The following DMD variants were observed in gnomAD, a reference collection of about 807,000 sequenced individuals.
The protein encoded by DMD is dystrophin, also known as mutant dystrophin.
Under a neutral mutation model 330.1 loss-of-function variants are expected in DMD, and 63 were observed. The observed-to-expected ratio is 0.19, with a 90% CI of 0.16 to 0.24. The LOEUF (loss-of-function observed/expected upper bound fraction) is 0.24, where lower values mean the gene tolerates loss of function less well. Ranked by LOEUF, DMD falls within the 10% of genes least tolerant of loss-of-function variation. The pLI is 1.00. For missense variants in DMD, 3,344 were observed against 2,684.1 expected, an observed-to-expected ratio of 1.25 and a Z score of -5.43; for synonymous variants, 1,223 against 959.8, an observed-to-expected ratio of 1.27 and a Z score of -5.07.
chrX:31,215,601 A>T (rs1395790266), intron 64 of DMD, among the ~76,000 whole-genome samples: 2 of 112,439 alleles, frequency 1.8e-5, no homozygotes, highest in African/African-American at 6.5e-5. Flanking sequence ...TACCCAGTCA[A>T]ATCTGAAGAA....
intron 29 of DMD, among the ~76,000 whole-genome samples, chrX:32,435,723 C>G (rs755791894): frequency 9.0e-6 from 1 of 110,948 alleles, no homozygotes; most frequent in East Asian, 2.9e-4. Flanking sequence ...AATTCTTTTT[C>G]AAACCTGTGA....
intron 2 of DMD, among the ~76,000 whole-genome samples, chrX:32,990,210 T>C (rs2147295565): frequency 9.0e-6 from 1 of 111,706 alleles, no homozygotes; most frequent in African/African-American, 3.2e-5. Context: ...GTTTTTGAGG[T>C]ACTTGTTTTC....
chrX:33,241,401 C>T (rs2052584469), intron 1 of DMD, among the ~76,000 whole-genome samples: 1 of 111,501 alleles, frequency 9.0e-6, no homozygotes, highest in Admixed American at 9.6e-5. Context: ...TGTTTTATTC[C>T]ATTGGTCTAT....
chrX:31,510,360 T>C (rs748271103), intron 55 of DMD, among the ~76,000 whole-genome samples: 1 of 111,265 alleles, frequency 9.0e-6, no homozygotes, highest in East Asian at 2.8e-4. Flanking sequence ...CAGTAGTCAC[T>C]GAACCTGAAC....
chrX:31,470,472 C>A (rs1431487439), intron 59 of DMD, among the ~76,000 whole-genome samples: 1 of 111,904 alleles, frequency 8.9e-6, no homozygotes, highest in Non-Finnish European at 1.9e-5. Flanking sequence ...GTATCACCAG[C>A]AGAAGCTGCA....
At chrX:31,284,556 G>GTTTTTTCTTCTTCTTTCTTCTTTCTTC (rs1206368762) in intron 62 of DMD, among the ~76,000 whole-genome samples, 1 of 36,525 alleles carries the variant, frequency 2.7e-5, no homozygotes, top group African/African-American at 8.5e-5. Flanking sequence ...ATAACGAACT[G>GTTTTTTCTTCTTCTTTCTTCTTTCTTC]TTTCTTCTTC....
chrX:32,395,869 C>A (rs1175545465), intron 30 of DMD, among the ~76,000 whole-genome samples: 1 of 111,294 alleles, frequency 9.0e-6, no homozygotes, highest in Non-Finnish European at 1.9e-5. Flanking sequence ...TAGTATGAAG[C>A]TACAGAACCT....
intron 2 of DMD, among the ~76,000 whole-genome samples, chrX:32,870,477 C>A (rs188725650): frequency 1.8e-5 from 2 of 111,972 alleles, no homozygotes. Flanking sequence ...ATAGCCAAGA[C>A]AATCCTAAGC....
At chrX:31,138,370 G>A (rs2035528986) in intron 76 of DMD, among the ~76,000 whole-genome samples, 1 of 111,428 alleles carries the variant, frequency 9.0e-6, no homozygotes, top group South Asian at 3.8e-4. Context: ...ACTATTATGG[G>A]CATGAAACAA....
chrX:31,541,318 T>C (rs186647123), intron 55 of DMD, among the ~76,000 whole-genome samples: 35 of 111,753 alleles, frequency 3.1e-4, no homozygotes, highest in Middle Eastern at 4.7e-3. Context: ...GTTTATGAAA[T>C]GTAAATAGAG....
intron 1 of DMD, among the ~76,000 whole-genome samples, chrX:33,315,182 T>A (rs1344663839): frequency 1.8e-5 from 2 of 112,214 alleles, no homozygotes; most frequent in Non-Finnish European, 3.8e-5. Flanking sequence ...TAATCCAGGA[T>A]AATCTTACCA....
At chrX:32,370,033 T>C (rs16990268) in intron 34 of DMD, among the ~76,000 whole-genome samples, 15,676 of 110,724 alleles carry the variant, frequency 0.14, 1,025 homozygotes, top group African/African-American at 0.25. Flanking sequence ...TTGCAAATAT[T>C]ATACCATTTC....
chrX:32,360,091 C>T (rs1193942341), intron 37 of DMD, among the ~76,000 whole-genome samples: 1 of 111,222 alleles, frequency 9.0e-6, no homozygotes, highest in Non-Finnish European at 1.9e-5. Flanking sequence ...GTGAGATTAC[C>T]TTCTAAATCT....
At chrX:31,400,110 A>C (rs1416234360) in intron 60 of DMD, among the ~76,000 whole-genome samples, 1 of 111,675 alleles carries the variant, frequency 9.0e-6, no homozygotes, top group East Asian at 2.8e-4. Context: ...CTTATATTGA[A>C]AGTGTGAAAG....
intron 67 of DMD, among the ~76,000 whole-genome samples, chrX:31,192,045 C>A (rs1260228525): frequency 8.9e-6 from 1 of 112,228 alleles, no homozygotes; most frequent in Non-Finnish European, 1.9e-5. Flanking sequence ...GACAGGCAGT[C>A]CCTGACTGTT....
At chrX:33,092,491 T>C (rs1242484490) in intron 1 of DMD, among the ~76,000 whole-genome samples, 1 of 111,700 alleles carries the variant, frequency 9.0e-6, no homozygotes, top group Non-Finnish European at 1.9e-5. Flanking sequence ...AAAAATTCCC[T>C]TTTCCTGAAG....
chrX:31,226,843 A>G (rs959034480), intron 63 of DMD, among the ~76,000 whole-genome samples: 7 of 111,770 alleles, frequency 6.3e-5, no homozygotes, highest in African/African-American at 2.3e-4. Context: ...ATAAAAAGAA[A>G]TGTAGAGACG....
chrX:33,116,796 GA>G (rs1025489214), intron 1 of DMD, among the ~76,000 whole-genome samples: 1 of 111,136 alleles, frequency 9.0e-6, no homozygotes, highest in Non-Finnish European at 1.9e-5. Flanking sequence ...CAGAAAGGGG[GA>G]ATCAGACTAG....
rs370638522 is a variant in DMD, at chrX:32,287,535, C to A, written c.6284G>T (p.Arg2095Leu). 7 of 1,207,549 alleles carry A rather than the reference C, an allele frequency of 5.8e-6. No individual in the cohort carries two copies. The highest frequency in any genetic ancestry group is 7.8e-6 in the Non-Finnish European group (7 of 893,721). The change falls in exon 43 of 79, where the codon CGA (arginine) becomes CTA (leucine). Residue 2095 changes from arginine to leucine, a missense_variant. Transcript: ENST00000357033. ...AAATATATGTGTTACCTACCCTTGT[C>A]GGTCCTTGTACATTTTGTTAACTTT... is the stretch of plus-strand genomic sequence containing the variant. Reference protein sequence around the residue: ...WEKVNKMYKDRQGRFDRSVEK... With the variant: ...WEKVNKMYKDLQGRFDRSVEK...
Sources: gnomAD v4.1 joint callset for allele counts (sites outside exome capture counted in the v4.1 genomes callset) on GRCh38, gnomAD v4.1.1 for gene constraint, MANE v1.5 for transcripts, NCBI Gene and HGNC (gene_info 2026-07-23, HGNC 2026-07-21) for gene names.